Variants in PARD3B observed in about 807,000 individuals in gnomAD.
PARD3B encodes the protein par-3 family cell polarity regulator beta, also known as partitioning defective 3 homolog B.
A neutral mutation model predicts 130.2 loss-of-function variants in PARD3B; 103 were observed. The ratio of observed to expected loss-of-function variants is 0.79; its 90% CI spans 0.67 to 0.93. PARD3B has a LOEUF of 0.93. Among genes scored for constraint, PARD3B ranks in the 40% least tolerant of loss-of-function variants. The pLI, the probability that PARD3B is intolerant of heterozygous loss-of-function variation, is 0.00. For missense variants in PARD3B, 1,609 were observed against 1,499.2 expected (o/e 1.07, Z -1.21); for synonymous variants, 583 against 553.2 (o/e 1.05, Z -0.76).
chr2:204,561,812 G>T (rs2031329991), intron 1 of PARD3B, among the ~76,000 whole-genome samples: 1 of 151,992 alleles, frequency 6.6e-6, no homozygotes, highest in South Asian at 2.1e-4. Context: ...GGGCAGGCTG[G>T]TCTTGAACTC....
At chr2:205,211,571 A>T (rs543252010) in intron 15 of PARD3B, among the ~76,000 whole-genome samples, 1 of 152,156 alleles carries the variant, frequency 6.6e-6, no homozygotes, top group Admixed American at 6.6e-5. Flanking sequence ...AAAGATATCC[A>T]GTAGGACAAA....
intron 2 of PARD3B, among the ~76,000 whole-genome samples, chr2:204,761,730 A>T (rs568276150): frequency 6.6e-6 from 1 of 152,270 alleles, no homozygotes; most frequent in East Asian, 1.9e-4. Flanking sequence ...TTGAATGTTC[A>T]TCTGGATTTT....
At position 204,815,003 on chromosome 2, in the gene PARD3B, A is replaced by G. The variant is rs556779256; in HGVS notation, c.222+128721A>G. On this transcript the variant is annotated intron_variant, in intron 2 of 22. Transcript: ENST00000406610. Reference sequence around the variant, plus strand: ...AAATTTTGTTCAGGATTTTTCATCTATTCTCATAATTTTCTGTTTCTGTAA... The same window carrying G: ...AAATTTTGTTCAGGATTTTTCATCTGTTCTCATAATTTTCTGTTTCTGTAA... Among the ~76,000 whole-genome samples the G allele has an allele frequency of 5.9e-5, 9 of 151,890 alleles. No homozygotes were observed. In the South Asian group the frequency reaches 1.0e-3, roughly 18 times the overall value.
intron 3 of PARD3B, among the ~76,000 whole-genome samples, chr2:204,972,904 A>G (rs965253568): frequency 6.6e-6 from 1 of 152,208 alleles, no homozygotes; most frequent in Non-Finnish European, 1.5e-5. Context: ...AGTCCAGTGA[A>G]GTCATGTTTG....
intron 3 of PARD3B, among the ~76,000 whole-genome samples, chr2:204,988,706 A>C (rs746630777): frequency 2.6e-5 from 4 of 152,178 alleles, no homozygotes; most frequent in Admixed American, 1.3e-4. Context: ...TTGTTCAAAA[A>C]TTTTAGATTT....
intron 18 of PARD3B, among the ~76,000 whole-genome samples, chr2:205,328,685 A>G (rs2541150): frequency 0.88 from 133,811 of 152,148 alleles, 59,023 homozygotes; most frequent in Admixed American, 0.92. Flanking sequence ...TTTTTAAAAA[A>G]TTAAAAATAA....
intron 1 of PARD3B, among the ~76,000 whole-genome samples, chr2:204,619,323 G>C (rs868864398): frequency 6.6e-6 from 1 of 152,038 alleles, no homozygotes; most frequent in African/African-American, 2.4e-5. Context: ...TAATTGGCAG[G>C]CATTTCATCA....
intron 3 of PARD3B, among the ~76,000 whole-genome samples, chr2:205,039,127 G>A (rs1698213155): frequency 6.6e-6 from 1 of 151,832 alleles, no homozygotes; most frequent in Non-Finnish European, 1.5e-5. Flanking sequence ...TTTGGCATCA[G>A]CTGAAAAGCC....
Position 204,887,811 on chromosome 2 carries a change from G to A in PARD3B, c.223-77341G>A, listed in dbSNP as rs1378623569. ...CAAGGCAACCCTACCAGAGGCATAC[G>A]ACCAGACAGTGCATGGTGCAATGCC... is the stretch of plus-strand genomic sequence containing the variant. On this transcript the variant is annotated intron_variant, in intron 2 of 22. Transcript: ENST00000406610. The surrounding 1 kb of genome is among the most constrained non-coding windows in gnomAD (Gnocchi z 4.2). 2.0e-5 allele frequency among the ~76,000 whole-genome samples: 3 copies of A among 152,112 alleles called. No homozygotes were observed. The highest frequency in any genetic ancestry group is 7.2e-5 in the African/African-American group (3 of 41,436).
At chr2:204,598,768 TTACGTATCCATCATTATTTCCTTAAGTC>T (rs2033396267) in intron 1 of PARD3B, among the ~76,000 whole-genome samples, 6 of 152,070 alleles carry the variant, frequency 3.9e-5, no homozygotes, top group Admixed American at 3.9e-4. Context: ...TCCCTGTTTT[TTACGTATCCATCATTATTTCCTTAAGTC>T]AATTTCTTAA....
intron 16 of PARD3B, among the ~76,000 whole-genome samples, chr2:205,290,331 T>G (rs1352907729): frequency 6.6e-6 from 1 of 152,218 alleles, no homozygotes; most frequent in Non-Finnish European, 1.5e-5. Context: ...AAGCTAGGTG[T>G]TTAATCTTTT....
intron 2 of PARD3B, among the ~76,000 whole-genome samples, chr2:204,816,364 C>T (rs138899425): frequency 1.3e-5 from 2 of 150,484 alleles, no homozygotes. Flanking sequence ...TGTGTAGATA[C>T]GTTTTTCTAT....
intron 3 of PARD3B, among the ~76,000 whole-genome samples, chr2:204,998,345 T>TAC (rs1694452717): frequency 1.3e-5 from 1 of 79,086 alleles, no homozygotes; most frequent in Non-Finnish European, 2.4e-5. Flanking sequence ...TATATATATA[T>TAC]ATATATATAT....
intron 16 of PARD3B, among the ~76,000 whole-genome samples, chr2:205,283,413 T>A (rs1231302519): frequency 6.6e-6 from 1 of 152,152 alleles, no homozygotes; most frequent in African/African-American, 2.4e-5. Flanking sequence ...GCCTCCTGAG[T>A]AGCTGGGACC....
chr2:204,894,324 T>C (rs896899704), intron 2 of PARD3B, among the ~76,000 whole-genome samples: 2 of 152,068 alleles, frequency 1.3e-5, no homozygotes, highest in African/African-American at 4.8e-5. Context: ...TTTAAACAAA[T>C]AGTTTGAGGT....
intron 4 of PARD3B, among the ~76,000 whole-genome samples, chr2:205,048,911 T>G (rs1454021128): frequency 6.6e-6 from 1 of 152,176 alleles, no homozygotes; most frequent in African/African-American, 2.4e-5. Context: ...CAGGTGTATG[T>G]GTTCTATTTT....
At position 205,336,976 on chromosome 2, in the gene PARD3B, T is replaced by TAA. The variant is rs34061573; in HGVS notation, c.2630+35289_2630+35290dup. Reference sequence around the variant, plus strand: ...TTTCTTGTCTACTTTTTATTTCTTGTAAAAAAAAAAAAAAAGGTAATCTAA... The same window carrying TAA: ...TTTCTTGTCTACTTTTTATTTCTTGTAAAAAAAAAAAAAAAAAGGTAATCTAA... On this transcript the variant is annotated intron_variant, in intron 18 of 22. Coordinates refer to ENST00000406610, the MANE Select transcript of PARD3B (RefSeq NM_001302769.2). Among the ~76,000 whole-genome samples the TAA allele has an allele frequency of 1.2e-3, 179 of 147,362 alleles. 1 individual carries two copies. Among genetic ancestry groups the TAA allele is most frequent in the African/African-American group, 3.3e-3 (131 of 39,632 alleles).
rs181734240 is a variant in PARD3B, at chr2:204,863,458, T to C, written c.223-101694T>C. Reference sequence around the variant, plus strand: ...ATTCTCATTGTCAGACACTAGGCATTAGGAATCGGAATTTCAGCTCTTTTC... The same window carrying C: ...ATTCTCATTGTCAGACACTAGGCATCAGGAATCGGAATTTCAGCTCTTTTC... On this transcript the variant is annotated intron_variant, in intron 2 of 22. Transcript: ENST00000406610. Among the ~76,000 whole-genome samples, 805 of 152,272 alleles carry C rather than the reference T, an allele frequency of 5.3e-3. 5 individuals are homozygous for C. The highest frequency in any genetic ancestry group is 0.014 in the South Asian group (66 of 4,830).
Position 204,906,826 on chromosome 2 carries a change from C to T in PARD3B, c.223-58326C>T, listed in dbSNP as rs1345499291. 6.6e-6 allele frequency among the ~76,000 whole-genome samples: 1 copy of T among 152,066 alleles called. No individual in the cohort carries two copies. On this transcript the variant is annotated intron_variant, in intron 2 of 22. Transcript: ENST00000406610. The surrounding 1 kb of genome is among the most constrained non-coding windows in gnomAD (Gnocchi z 4.3). ...ATTATTTCATCTGCGTGGTTTTGTACACCATTTGAATTGGGATGCTTATGG... is the reference window on the plus strand; with the variant it reads ...ATTATTTCATCTGCGTGGTTTTGTATACCATTTGAATTGGGATGCTTATGG...
Sources: allele counts gnomAD v4.1 joint callset (sites outside exome capture counted in the v4.1 genomes callset), GRCh38; gene constraint gnomAD v4.1.1; non-coding constraint Gnocchi (gnomAD v3.1); transcripts MANE v1.5; gene names NCBI Gene and HGNC (gene_info 2026-07-23, HGNC 2026-07-21).